ROBO1: variants seen among roughly 807,000 people sequenced by gnomAD.
The protein encoded by ROBO1 is roundabout guidance receptor 1.
In ROBO1, 149 loss-of-function variants were observed where a neutral mutation model predicts 195.9. That is an observed-to-expected ratio of 0.76 (90% CI 0.67 to 0.87). The LOEUF (loss-of-function observed/expected upper bound fraction) is 0.87. Among genes scored for constraint, ROBO1 ranks in the 40% least tolerant of loss-of-function variants. The pLI, the probability that ROBO1 is intolerant of heterozygous loss-of-function variation, is 0.00. For synonymous variants in ROBO1, 816 were observed against 733.2 expected, an observed-to-expected ratio of 1.11 and a Z score of -1.82; for missense variants, 1,933 against 2,068.3, an observed-to-expected ratio of 0.93 and a Z score of 1.27.
intron 2 of ROBO1, among the ~76,000 whole-genome samples, chr3:79,374,164 C>T (rs2036299992): frequency 6.6e-6 from 1 of 152,106 alleles, no homozygotes; most frequent in Non-Finnish European, 1.5e-5. Context: ...TTCGGAGTTC[C>T]TTCCTTTAGT....
chr3:79,217,688 TAAAA>T (rs1427803800), intron 2 of ROBO1, among the ~76,000 whole-genome samples: 2 of 151,976 alleles, frequency 1.3e-5, no homozygotes, highest in Non-Finnish European at 2.9e-5. Context: ...CATAAGTATA[TAAAA>T]AACATTTAAA....
intron 1 of ROBO1, among the ~76,000 whole-genome samples, chr3:79,618,188 A>G (rs1944887054): frequency 6.6e-6 from 1 of 152,172 alleles, no homozygotes; most frequent in Non-Finnish European, 1.5e-5. Context: ...GAAAAGGTAA[A>G]AAGTCAGGAA....
chr3:78,916,117 GGC>G (rs1217217389), intron 4 of ROBO1, among the ~76,000 whole-genome samples: 5 of 151,832 alleles, frequency 3.3e-5, no homozygotes, highest in Non-Finnish European at 7.4e-5. Flanking sequence ...CGGGTGTGGT[GGC>G]GGCGCCTGTA....
intron 1 of ROBO1, among the ~76,000 whole-genome samples, chr3:79,607,602 G>GTTTTTT (rs58634211): frequency 4.1e-5 from 6 of 147,630 alleles, no homozygotes; most frequent in Non-Finnish European, 6.0e-5. Context: ...GTATTTCCAA[G>GTTTTTT]TTTTTTTTTT....
chr3:79,277,976 AG>A (rs1443310766), intron 2 of ROBO1, among the ~76,000 whole-genome samples: 1 of 152,078 alleles, frequency 6.6e-6, no homozygotes, highest in Non-Finnish European at 1.5e-5. Context: ...ATAAAGATGC[AG>A]GATATAAAAT....
intron 1 of ROBO1, among the ~76,000 whole-genome samples, chr3:79,612,489 T>C (rs1430629509): frequency 2.0e-5 from 3 of 152,044 alleles, no homozygotes; most frequent in African/African-American, 7.2e-5. Context: ...GCAATAAACA[T>C]ACGGGTGCAT....
intron 3 of ROBO1, among the ~76,000 whole-genome samples, chr3:79,060,282 C>G (rs2078891910): frequency 6.6e-6 from 1 of 151,948 alleles, no homozygotes; most frequent in South Asian, 2.1e-4. Flanking sequence ...ATCAGTAATT[C>G]TAGTTTCACT....
At chr3:79,035,745 A>T (rs911824247) in intron 3 of ROBO1, among the ~76,000 whole-genome samples, 4 of 151,928 alleles carry the variant, frequency 2.6e-5, no homozygotes, top group African/African-American at 9.7e-5. Context: ...AAAAAAAAGC[A>T]TTAATAAGAA....
At chr3:78,653,972 A>G (rs1343805076) in intron 18 of ROBO1, among the ~76,000 whole-genome samples, 2 of 152,218 alleles carry the variant, frequency 1.3e-5, no homozygotes, top group Non-Finnish European at 2.9e-5. Flanking sequence ...AGACTTTAAG[A>G]CCAAACTAGA....
intron 3 of ROBO1, among the ~76,000 whole-genome samples, chr3:79,104,229 T>G (rs2079733039): frequency 6.6e-6 from 1 of 151,836 alleles, no homozygotes; most frequent in Non-Finnish European, 1.5e-5. Flanking sequence ...AACGCTTTCA[T>G]AGTCGTGTTA....
At chr3:79,463,404 A>AC (rs1937768522) in intron 2 of ROBO1, among the ~76,000 whole-genome samples, 1 of 151,386 alleles carries the variant, frequency 6.6e-6, no homozygotes, top group Admixed American at 6.6e-5. Flanking sequence ...AAAAACAAAA[A>AC]ACAAAAAACC....
intron 3 of ROBO1, among the ~76,000 whole-genome samples, chr3:79,106,713 A>G (rs1181404696): frequency 1.3e-5 from 2 of 151,608 alleles, no homozygotes; most frequent in African/African-American, 2.4e-5. Flanking sequence ...CAATACAGAC[A>G]CTAAAAAAAA....
chr3:79,538,687 A>G (rs1412226193), intron 2 of ROBO1, among the ~76,000 whole-genome samples: 3 of 152,128 alleles, frequency 2.0e-5, no homozygotes, highest in African/African-American at 7.2e-5. Context: ...AGACATTTAT[A>G]TGATTGTTTT....
chr3:78,893,595 A>T (rs530040835), intron 4 of ROBO1, among the ~76,000 whole-genome samples: 1 of 152,306 alleles, frequency 6.6e-6, no homozygotes, highest in African/African-American at 2.4e-5. Context: ...TATAAATATT[A>T]GCTAAATAAT....
At chr3:79,538,170 G>A (rs983831624) in intron 2 of ROBO1, among the ~76,000 whole-genome samples, 1 of 152,100 alleles carries the variant, frequency 6.6e-6, no homozygotes, top group African/African-American at 2.4e-5. Flanking sequence ...ATTATTACAT[G>A]TGTGGCTGCT....
Position 79,437,053 on chromosome 3 carries a change from C to T in ROBO1, c.88+152771G>A, listed in dbSNP as rs545266554. On this transcript the variant is annotated intron_variant, in intron 2 of 30. Transcript: ENST00000464233. ...TGTGCATTTAAAACATGCATCGTAA[C>T]GGTTAATCCACATGTCATTAATCTC... 2.4e-4 allele frequency among the ~76,000 whole-genome samples: 36 copies of T among 152,132 alleles called. No individual in the cohort carries two copies. The East Asian group carries it at 2.7e-3, about 11-fold the overall frequency.
chr3:79,115,577 C>T (rs2079978556), intron 3 of ROBO1, among the ~76,000 whole-genome samples: 4 of 152,094 alleles, frequency 2.6e-5, no homozygotes. Flanking sequence ...GTATTACTCT[C>T]AACAAAACTG....
chr3:79,540,128 T>C (rs1942010519), intron 2 of ROBO1, among the ~76,000 whole-genome samples: 1 of 152,118 alleles, frequency 6.6e-6, no homozygotes, highest in Admixed American at 6.6e-5. Context: ...TTTCAAAGTC[T>C]AATATTACAC....
In ROBO1 at chr3:78,597,950, C is replaced by CAAAAAA. The variant is rs35691197; in HGVS notation, c.*957_*962dup. ...AGTTTAGTGATTGTGCTTTTAAAACCAAAAAAAAAAAAAAAAAGAGAGAGA... is the reference window on the plus strand; with the variant it reads ...AGTTTAGTGATTGTGCTTTTAAAACCAAAAAAAAAAAAAAAAAAAAAAAGAGAGAGA... On this transcript the variant is annotated 3_prime_UTR_variant, in exon 31 of 31. Transcript: ENST00000464233. The CAAAAAA allele has an allele frequency of 2.7e-5, 3 of 109,454 alleles. No homozygotes were observed. The highest frequency in any genetic ancestry group is 5.9e-5 in the Non-Finnish European group (3 of 50,578). 6.8% of individuals were successfully genotyped at this position (109,454 alleles called of 1,614,324 possible).
Sources: gnomAD v4.1 joint callset for allele counts (sites outside exome capture counted in the v4.1 genomes callset) on GRCh38, gnomAD v4.1.1 for gene constraint, MANE v1.5 for transcripts, NCBI Gene and HGNC (gene_info 2026-07-23, HGNC 2026-07-21) for gene names.